Variants in PDHX observed in about 807,000 individuals in gnomAD.
PDHX encodes pyruvate dehydrogenase protein X component, mitochondrial.
In PDHX, 33 loss-of-function variants were observed where a neutral mutation model predicts 55.3. The observed-to-expected ratio is 0.60, with a 90% CI of 0.45 to 0.80. The LOEUF is 0.80. Among genes scored for constraint, PDHX ranks in the 30% least tolerant of loss-of-function variants. The pLI, the probability that PDHX is intolerant of heterozygous loss-of-function variation, is 0.00. For missense variants in PDHX, 622 were observed against 619.9 expected (o/e 1.00, Z -0.04); for synonymous variants, 226 against 219.4 (o/e 1.03, Z -0.27).
In PDHX at chr11:34,953,735, A is replaced by G. The variant is rs530089618; in HGVS notation, c.343-3649A>G. 5.9e-5 allele frequency among the ~76,000 whole-genome samples: 9 copies of G among 152,330 alleles called. No homozygotes were observed. In the East Asian group the frequency reaches 1.3e-3, roughly 23 times the overall value. ...CATCTCTGATGTTAGACTACATTTA[A>G]ATCCTGCCTCTGCTACATACTTGTC... On this transcript the variant is annotated intron_variant, in intron 3 of 10. Transcript: ENST00000227868.
chr11:34,994,190 G>A (rs193205807), intron 10 of PDHX, among the ~76,000 whole-genome samples: 270 of 152,242 alleles, frequency 1.8e-3, no homozygotes, highest in African/African-American at 5.9e-3. Flanking sequence ...GGTACATGCT[G>A]CTACACACCT....
rs529801753 is a variant in PDHX, at chr11:34,916,629, C to T, written c.-27C>T. 23 of 1,602,876 alleles carry T rather than the reference C, an allele frequency of 1.4e-5. No individual in the cohort carries two copies. The South Asian group carries it at 2.4e-4, about 17-fold the overall frequency. ...TGATGCTGGACATCAGGCTGTGCTGCGGGCAGCCAGTGAGAAGGCCGTCAA... is the reference window on the plus strand; with the variant it reads ...TGATGCTGGACATCAGGCTGTGCTGTGGGCAGCCAGTGAGAAGGCCGTCAA... On this transcript the variant is annotated 5_prime_UTR_variant, in exon 1 of 11. Transcript: ENST00000227868.
chr11:34,931,812 TTG>T (rs35425265), intron 2 of PDHX, among the ~76,000 whole-genome samples: 8,913 of 146,032 alleles, frequency 0.061, 439 homozygotes, highest in Admixed American at 0.17. Flanking sequence ...TTTATCATGA[TTG>T]TGTGTGTGTG....
chr11:34,956,979 T>C (rs1854917531), intron 3 of PDHX, among the ~76,000 whole-genome samples: 1 of 152,206 alleles, frequency 6.6e-6, no homozygotes, highest in Admixed American at 6.5e-5. Context: ...CCTTCTGAGC[T>C]TTTAGAATTC....
intron 8 of PDHX, among the ~76,000 whole-genome samples, chr11:34,981,532 G>T (rs989808714): frequency 1.3e-5 from 2 of 152,114 alleles, no homozygotes; most frequent in Non-Finnish European, 2.9e-5. Flanking sequence ...GGGATTGCTG[G>T]GTCAAATGGT....
rs767781507 is a variant in PDHX at position 34,960,494 on chromosome 11, G to C, written c.617G>C (p.Gly206Ala). The change falls in exon 5 of 11, where the codon GGC (glycine) becomes GCC (alanine). Residue 206 changes from glycine (G) to alanine (A), a missense_variant. Coordinates refer to ENST00000227868, the MANE Select transcript of PDHX (RefSeq NM_003477.3). ...SLDASQGTAT[G>A]PRGIFTKEDA... The stretch of plus-strand genomic sequence containing the variant: ...GATGCTAGCCAGGGCACAGCCACTG[G>C]CCCTCGGGGGATATTCACTAAAGAG... 3 of 1,608,180 alleles carry C rather than the reference G, an allele frequency of 1.9e-6. No homozygotes were observed. Among genetic ancestry groups the C allele is most frequent in the Non-Finnish European group, 2.6e-6 (3 of 1,174,792 alleles).
intron 2 of PDHX, among the ~76,000 whole-genome samples, chr11:34,939,097 T>C (rs1854408709): frequency 6.6e-6 from 1 of 151,962 alleles, no homozygotes. Flanking sequence ...TCAATATATG[T>C]TTAAGTATGC....
intron 4 of PDHX, among the ~76,000 whole-genome samples, chr11:34,958,315 TG>T (rs1854949178): frequency 6.6e-6 from 1 of 151,634 alleles, no homozygotes; most frequent in Non-Finnish European, 1.5e-5. Flanking sequence ...CGTGCGGAGG[TG>T]GGTGACGGAG....
intron 7 of PDHX, among the ~76,000 whole-genome samples, chr11:34,973,108 C>T (rs1274585565): frequency 1.3e-5 from 2 of 152,050 alleles, no homozygotes; most frequent in African/African-American, 4.8e-5. Flanking sequence ...TTCATGTATC[C>T]TGAAGATCTA....
chr11:34,916,153 G>A (rs1267275569), upstream of PDHX: 3 of 1,550,056 alleles, frequency 1.9e-6, no homozygotes, highest in African/African-American at 4.1e-5. Flanking sequence ...GCTACCCTGC[G>A]CCCAGCTCCA....
In PDHX at chr11:34,930,702, G is replaced by C. The variant is rs537371310; in HGVS notation, c.161-702G>C. On this transcript the variant is annotated intron_variant, in intron 1 of 10. Transcript: ENST00000227868. ...ACAAATACATAGTGTTTGCTTTTTC[G>C]ATACCTAAGGAAAATGTAGTTATGT... Among the ~76,000 whole-genome samples the C allele has an allele frequency of 2.6e-5, 4 of 152,270 alleles. No homozygotes were observed. In the South Asian group the frequency reaches 8.3e-4, roughly 32 times the overall value.
At chr11:34,917,673 G>A (rs1321933045) in intron 1 of PDHX, among the ~76,000 whole-genome samples, 1 of 151,938 alleles carries the variant, frequency 6.6e-6, no homozygotes, top group African/African-American at 2.4e-5. Context: ...CATATTCTGA[G>A]CTACCTTAGG....
At chr11:34,990,760 G>A (rs1855738957) in intron 9 of PDHX, among the ~76,000 whole-genome samples, 1 of 151,952 alleles carries the variant, frequency 6.6e-6, no homozygotes. Flanking sequence ...CATCCAAATA[G>A]CATACACCTG....
intron 2 of PDHX, among the ~76,000 whole-genome samples, chr11:34,942,773 A>G (rs756828724): frequency 6.6e-6 from 1 of 151,914 alleles, no homozygotes; most frequent in African/African-American, 2.4e-5. Flanking sequence ...ATTTATTGGT[A>G]AAGTGTTCTG....
chr11:34,924,305 G>A (rs1657867897), intron 1 of PDHX, among the ~76,000 whole-genome samples: 2 of 152,034 alleles, frequency 1.3e-5, no homozygotes, highest in Non-Finnish European at 1.5e-5. Flanking sequence ...GCAGTGGGGC[G>A]GTCTCGGCTC....
chr11:34,976,782 T>A (rs1392132626), intron 7 of PDHX, among the ~76,000 whole-genome samples: 1 of 152,154 alleles, frequency 6.6e-6, no homozygotes, highest in Non-Finnish European at 1.5e-5. Context: ...AAGTGAGGAC[T>A]GTGGACTTAG....
chr11:34,980,019 T>C (rs1305940404), intron 8 of PDHX, among the ~76,000 whole-genome samples: 2 of 151,364 alleles, frequency 1.3e-5, no homozygotes, highest in Non-Finnish European at 2.9e-5. Context: ...CTTTCCCTTT[T>C]TTTTTTTCTT....
At chr11:34,994,652 T>C (rs528319804) in intron 10 of PDHX, among the ~76,000 whole-genome samples, 2 of 152,360 alleles carry the variant, frequency 1.3e-5, no homozygotes, top group South Asian at 2.1e-4. Flanking sequence ...TGACTCGATA[T>C]AAAATGGATT....
intron 7 of PDHX, among the ~76,000 whole-genome samples, chr11:34,974,267 C>T (rs1219049824): frequency 2.0e-5 from 3 of 152,122 alleles, no homozygotes; most frequent in Non-Finnish European, 4.4e-5. Context: ...TCATATAGTA[C>T]TTGTCCTTTT....
Sources: allele counts gnomAD v4.1 joint callset (sites outside exome capture counted in the v4.1 genomes callset), GRCh38; gene constraint gnomAD v4.1.1; transcripts MANE v1.5; gene names NCBI Gene and HGNC (gene_info 2026-07-23, HGNC 2026-07-21).